Variants in PTPRK observed in about 807,000 individuals in gnomAD.
PTPRK encodes protein tyrosine phosphatase receptor type K.
A neutral mutation model predicts 178.0 loss-of-function variants in PTPRK; 75 were observed. The observed-to-expected ratio is 0.42, with a 90% CI of 0.35 to 0.51. The LOEUF (loss-of-function observed/expected upper bound fraction) is 0.51, where lower values mean the gene tolerates loss of function less well. Ranked by LOEUF, PTPRK falls within the 20% of genes least tolerant of loss-of-function variation. The pLI is 0.02. For synonymous variants in PTPRK, 637 were observed against 620.6 expected (o/e 1.03, Z -0.39); for missense variants, 1,441 against 1,797.8 (o/e 0.80, Z 3.59).
At chr6:128,130,514 T>C (rs1238694793) in intron 7 of PTPRK, among the ~76,000 whole-genome samples, 1 of 152,184 alleles carries the variant, frequency 6.6e-6, no homozygotes, top group Non-Finnish European at 1.5e-5. Context: ...CTTTATCTTT[T>C]GAATCTGTAC....
intron 8 of PTPRK, among the ~76,000 whole-genome samples, chr6:128,084,209 T>C (rs142934019): frequency 0.014 from 2,181 of 152,198 alleles, 57 homozygotes; most frequent in African/African-American, 0.05. Context: ...TTTTTGAAGA[T>C]TATGCAAATC....
At chr6:128,274,585 A>T (rs567879081) in intron 3 of PTPRK, among the ~76,000 whole-genome samples, 1 of 152,230 alleles carries the variant, frequency 6.6e-6, no homozygotes, top group East Asian at 1.9e-4. Flanking sequence ...TACAGAAGCA[A>T]TCATCAGCAT....
intron 7 of PTPRK, among the ~76,000 whole-genome samples, chr6:128,173,297 T>C (rs1800573943): frequency 1.3e-5 from 2 of 152,032 alleles, no homozygotes; most frequent in Non-Finnish European, 2.9e-5. Flanking sequence ...TGTAAAATAA[T>C]TACCAGTTTC....
At chr6:128,209,849 A>G (rs1306434610) in intron 6 of PTPRK, among the ~76,000 whole-genome samples, 2 of 152,154 alleles carry the variant, frequency 1.3e-5, no homozygotes, top group East Asian at 1.9e-4. Context: ...GCTAGAGTTT[A>G]GTGAGCAAAG....
At chr6:128,448,643 TA>T (rs1166986710) in intron 1 of PTPRK, among the ~76,000 whole-genome samples, 2 of 152,214 alleles carry the variant, frequency 1.3e-5, no homozygotes, top group East Asian at 3.9e-4. Flanking sequence ...AAAGATTTTC[TA>T]ATCTGTTTGG....
At chr6:128,200,691 CAGAG>C (rs1054563354) in intron 6 of PTPRK, among the ~76,000 whole-genome samples, 1 of 150,762 alleles carries the variant, frequency 6.6e-6, no homozygotes, top group Non-Finnish European at 1.5e-5. Flanking sequence ...GTCTAGGTGA[CAGAG>C]AGAGACCCTG....
rs535436410 is a variant in PTPRK at position 128,047,445 on chromosome 6, A to G, written c.2194+17313T>C. On this transcript the variant is annotated intron_variant, in intron 13 of 29. Transcript: ENST00000368226. The stretch of plus-strand genomic sequence containing the variant: ...GGTTTATCAAACAAATGAAAAATGA[A>G]TGCCCACATGTATACCTTAGCTTTT... Among the ~76,000 whole-genome samples, 3 of 152,294 alleles carry G rather than the reference A, an allele frequency of 2.0e-5. No homozygotes were observed. In the South Asian group the frequency reaches 6.2e-4, roughly 32 times the overall value.
intron 1 of PTPRK, among the ~76,000 whole-genome samples, chr6:128,471,508 A>C (rs995556561): frequency 8.6e-5 from 13 of 151,118 alleles, no homozygotes; most frequent in Admixed American, 2.0e-4. Context: ...GACAGGGATA[A>C]TATTACAGAG....
intron 6 of PTPRK, among the ~76,000 whole-genome samples, chr6:128,213,437 A>T (rs1474411976): frequency 1.3e-5 from 2 of 152,092 alleles, no homozygotes; most frequent in East Asian, 3.9e-4. Context: ...GGGTAAAATT[A>T]GTATGTGATT....
intron 1 of PTPRK, among the ~76,000 whole-genome samples, chr6:128,399,154 G>A (rs1840708973): frequency 6.6e-6 from 1 of 152,200 alleles, no homozygotes; most frequent in Admixed American, 6.5e-5. Flanking sequence ...CCAAGCAACA[G>A]ACTAAGGAGT....
chr6:128,368,490 T>G (rs1218228164), intron 2 of PTPRK, among the ~76,000 whole-genome samples: 1 of 152,162 alleles, frequency 6.6e-6, no homozygotes, highest in East Asian at 1.9e-4. Context: ...GAGCTTCCTT[T>G]GAATAATCCT....
intron 3 of PTPRK, among the ~76,000 whole-genome samples, chr6:128,255,803 G>A (rs1817195431): frequency 6.6e-6 from 1 of 152,218 alleles, no homozygotes; most frequent in Admixed American, 6.5e-5. Context: ...TGATACTGAT[G>A]CAGGCTAAAA....
intron 3 of PTPRK, among the ~76,000 whole-genome samples, chr6:128,311,830 T>G (rs1314466128): frequency 2.0e-5 from 3 of 152,132 alleles, no homozygotes; most frequent in Non-Finnish European, 4.4e-5. Context: ...CCTTTATTAG[T>G]ACTATTTTCT....
rs571616857 is a variant in PTPRK, at chr6:128,519,475, G to A, written c.100+784C>T. On this transcript the variant is annotated intron_variant, in intron 1 of 29. Transcript: ENST00000368226. This position sits in a 1 kb window ranked among gnomAD's most constrained non-coding sequence, Gnocchi z 4.3. ...GCCGGATCCGGGGAGCGCGGGGCCA[G>A]AGCCCCAGGCCGGATCCGGGGAGCG... Among the ~76,000 whole-genome samples, 1 of 152,062 alleles carries A rather than the reference G, an allele frequency of 6.6e-6. No homozygotes were observed. The highest frequency in any genetic ancestry group is 6.6e-5 in the Admixed American group (1 of 15,244).
chr6:128,229,466 C>G (rs1280147945), intron 5 of PTPRK, among the ~76,000 whole-genome samples: 1 of 152,090 alleles, frequency 6.6e-6, no homozygotes, highest in East Asian at 1.9e-4. Context: ...TAGCTCTATT[C>G]ACTGAAACGA....
chr6:128,241,308 G>C (rs754717649), intron 4 of PTPRK: 11 of 533,098 alleles, frequency 2.1e-5, no homozygotes, highest in Non-Finnish European at 3.8e-5. Flanking sequence ...CTCTAGACCA[G>C]CAACATCAGC....
intron 1 of PTPRK, among the ~76,000 whole-genome samples, chr6:128,457,410 G>A (rs1415091968): frequency 6.6e-6 from 1 of 152,124 alleles, no homozygotes; most frequent in Admixed American, 6.6e-5. Flanking sequence ...ACACAGAGAA[G>A]TAGGTAACAA....
In PTPRK at chr6:128,243,484, T is replaced by C. The variant is rs924477475; in HGVS notation, c.496-882A>G. On this transcript the variant is annotated intron_variant, in intron 3 of 29. Coordinates refer to ENST00000368226, the MANE Select transcript of PTPRK (RefSeq NM_002844.4). ...GCCTAGGGAACACAGTGAGAGCCTG[T>C]CGCTAAAAAAAAAAAAAAAAAAAAA... 3.9e-5 allele frequency among the ~76,000 whole-genome samples: 4 copies of C among 103,632 alleles called. No homozygotes were observed. The Admixed American group carries it at 4.8e-4, about 13-fold the overall frequency. 68.0% of individuals were successfully genotyped at this position (103,632 alleles called of 152,430 possible).
At chr6:128,203,761 C>T (rs1806397512) in intron 6 of PTPRK, among the ~76,000 whole-genome samples, 1 of 152,008 alleles carries the variant, frequency 6.6e-6, no homozygotes, top group African/African-American at 2.4e-5. Flanking sequence ...ACCACTCCTC[C>T]AAGAAATCAG....
Sources: gnomAD v4.1 joint callset for allele counts (sites outside exome capture counted in the v4.1 genomes callset) on GRCh38, gnomAD v4.1.1 for gene constraint, Gnocchi (gnomAD v3.1) non-coding constraint, MANE v1.5 for transcripts, NCBI Gene and HGNC (gene_info 2026-07-23, HGNC 2026-07-21) for gene names.